Variants in DAB2 observed in about 807,000 individuals in gnomAD.
DAB2 encodes DAB adaptor protein 2.
In DAB2, 28 loss-of-function variants were observed where a neutral mutation model predicts 71.6. The observed-to-expected ratio is 0.39, with a 90% CI of 0.29 to 0.54. The LOEUF (loss-of-function observed/expected upper bound fraction) is 0.54. Among genes scored for constraint, DAB2 ranks in the 20% least tolerant of loss-of-function variants. The pLI, the probability that DAB2 is intolerant of heterozygous loss-of-function variation, is 0.68. For missense variants in DAB2, 867 were observed against 928.8 expected (o/e 0.93, Z 0.86); for synonymous variants, 345 against 339.7 (o/e 1.02, Z -0.17).
intron 1 of DAB2, among the ~76,000 whole-genome samples, chr5:39,408,216 C>A (rs772673654): frequency 1.3e-5 from 2 of 152,214 alleles, no homozygotes; most frequent in African/African-American, 4.8e-5. Context: ...TGTATACAGA[C>A]AGGTGGAACG....
intron 1 of DAB2, among the ~76,000 whole-genome samples, chr5:39,412,180 G>T (rs1755746442): frequency 6.6e-6 from 1 of 152,068 alleles, no homozygotes; most frequent in African/African-American, 2.4e-5. Flanking sequence ...CTTATATTGT[G>T]CATGGCCAGA....
intron 9 of DAB2, 77 bp from the exon 10 acceptor site, chr5:39,383,348 A>T: frequency 8.7e-7 from 1 of 1,152,062 alleles, no homozygotes; most frequent in South Asian, 1.5e-5. Context: ...ACATAAGATG[A>T]CTAGGATTAT....
rs568122836 is a variant in DAB2 at position 39,418,917 on chromosome 5, A to G, written c.-102+5887T>C. On this transcript the variant is annotated intron_variant, in intron 1 of 14. Coordinates refer to ENST00000320816, the MANE Select transcript of DAB2 (RefSeq NM_001343.4). ...AAAATCGAGGCAACTCATTTTCCTG[A>G]TGGAGAAATGAAGCTCAGGCCTTAT... is the stretch of plus-strand genomic sequence containing the variant. 5.9e-5 allele frequency among the ~76,000 whole-genome samples: 9 copies of G among 152,330 alleles called. No homozygotes were observed. In the South Asian group the frequency reaches 1.9e-3, roughly 32 times the overall value.
At chr5:39,412,825 C>T (rs988127403) in intron 1 of DAB2, among the ~76,000 whole-genome samples, 2 of 152,112 alleles carry the variant, frequency 1.3e-5, no homozygotes, top group African/African-American at 4.8e-5. Context: ...AATACATATG[C>T]TTTAATGTCT....
In DAB2 at chr5:39,401,356, T is replaced by C. The variant is rs1176849845; in HGVS notation, c.-101-6935A>G. Among the ~76,000 whole-genome samples, 9 of 152,348 alleles carry C rather than the reference T, an allele frequency of 5.9e-5. 1 individual carries two copies. The highest frequency in any genetic ancestry group is 3.3e-4 in the Admixed American group (5 of 15,308). ...TTGCCTTTAATCTTTGAAAATGATA[T>C]GGCAGGACTTAGAGGACTTAGTAAA... On this transcript the variant is annotated intron_variant, in intron 1 of 14. Transcript: ENST00000320816.
At chr5:39,410,805 T>TGA (rs201716190) in intron 1 of DAB2, among the ~76,000 whole-genome samples, 1 of 20,994 alleles carries the variant, frequency 4.8e-5, no homozygotes, top group African/African-American at 1.5e-4. Context: ...TCTAACCTGC[T>TGA]TAAAAAAAAA....
intron 1 of DAB2, among the ~76,000 whole-genome samples, chr5:39,400,130 T>C (rs567505832): frequency 6.6e-6 from 1 of 152,182 alleles, no homozygotes; most frequent in Non-Finnish European, 1.5e-5. Context: ...CAACAGATGG[T>C]AGGGAATTTA....
chr5:39,389,052 G>A (rs376272610), intron 7 of DAB2, 45 bp downstream of exon 7: 431 of 1,589,224 alleles, frequency 2.7e-4, no homozygotes, highest in South Asian at 8.9e-4. Flanking sequence ...AGGGGCTTAC[G>A]CATGTCACAC....
chr5:39,388,211 A>T, intron 9 of DAB2, 94 bp downstream of exon 9: 1 of 891,288 alleles, frequency 1.1e-6, no homozygotes, highest in South Asian at 1.5e-5. Flanking sequence ...GTCACCTTCC[A>T]AGTTTCAATG....
chr5:39,377,876 G>T (rs1482428419), intron 11 of DAB2, among the ~76,000 whole-genome samples: 1 of 152,124 alleles, frequency 6.6e-6, no homozygotes. Context: ...TTTTATTGCT[G>T]CCAAGACTGA....
intron 1 of DAB2, among the ~76,000 whole-genome samples, chr5:39,396,060 G>A (rs1248011709): frequency 7.0e-6 from 1 of 142,982 alleles, no homozygotes; most frequent in African/African-American, 2.6e-5. Flanking sequence ...CTCCTGCCTC[G>A]GCTTCCTGAG....
chr5:39,421,860 C>T (rs1755993119), intron 1 of DAB2, among the ~76,000 whole-genome samples: 1 of 151,118 alleles, frequency 6.6e-6, no homozygotes, highest in African/African-American at 2.4e-5. Flanking sequence ...AGTTCGAGAC[C>T]AGCCTGGCCA....
intron 1 of DAB2, chr5:39,408,974 A>G (rs1755664574): frequency 6.6e-6 from 1 of 152,124 alleles, no homozygotes; most frequent in African/African-American, 2.4e-5. Flanking sequence ...CCCCTGGGTA[A>G]TTTTCGTTTT....
chr5:39,411,155 G>A (rs1044554860), intron 1 of DAB2, among the ~76,000 whole-genome samples: 2 of 152,096 alleles, frequency 1.3e-5, no homozygotes, highest in African/African-American at 4.8e-5. Context: ...TTTATCAAAT[G>A]ACACTTAGCT....
intron 9 of DAB2, among the ~76,000 whole-genome samples, chr5:39,386,199 C>T (rs752580240): frequency 1.5e-4 from 23 of 152,212 alleles, no homozygotes; most frequent in Non-Finnish European, 2.8e-4. Flanking sequence ...GGATAATGCT[C>T]AAGGGGCTTG....
chr5:39,411,532 G>T (rs1429909010), intron 1 of DAB2, among the ~76,000 whole-genome samples: 7 of 152,120 alleles, frequency 4.6e-5, no homozygotes, highest in African/African-American at 1.7e-4. Flanking sequence ...AACTTGATTT[G>T]GTCCTTGAAG....
At chr5:39,402,891 T>C (rs961767265) in intron 1 of DAB2, among the ~76,000 whole-genome samples, 1 of 152,206 alleles carries the variant, frequency 6.6e-6, no homozygotes, top group African/African-American at 2.4e-5. Flanking sequence ...CAATGAATCC[T>C]GAGTTAAAAT....
chr5:39,384,410 C>G (rs918325138), intron 9 of DAB2, among the ~76,000 whole-genome samples: 1 of 152,158 alleles, frequency 6.6e-6, no homozygotes. Flanking sequence ...CTCTGTCTCT[C>G]TTCTCTCAAA....
intron 4 of DAB2, among the ~76,000 whole-genome samples, chr5:39,391,980 A>AT (rs1755240850): frequency 7.8e-6 from 1 of 128,042 alleles, no homozygotes; most frequent in African/African-American, 2.7e-5. Flanking sequence ...AAAAAAAAAA[A>AT]AATATATATA....
Sources: allele counts gnomAD v4.1 joint callset (sites outside exome capture counted in the v4.1 genomes callset), GRCh38; gene constraint gnomAD v4.1.1; transcripts MANE v1.5; gene names NCBI Gene and HGNC (gene_info 2026-07-23, HGNC 2026-07-21).